CNR1: variants seen among roughly 807,000 people sequenced by gnomAD.
CNR1 encodes cannabinoid receptor 1 (brain).
CNR1 carries 10 observed loss-of-function variants against 23.0 expected under a neutral mutation model. That is an observed-to-expected ratio of 0.43 (90% CI 0.27 to 0.74). The LOEUF (loss-of-function observed/expected upper bound fraction) is 0.74, where lower values mean the gene tolerates loss of function less well. Among genes scored for constraint, CNR1 ranks in the 30% least tolerant of loss-of-function variants. The pLI, the probability that CNR1 is intolerant of heterozygous loss-of-function variation, is 0.19. For synonymous variants in CNR1, 271 were observed against 255.2 expected, an observed-to-expected ratio of 1.06 and a Z score of -0.59; for missense variants, 422 against 618.8, an observed-to-expected ratio of 0.68 and a Z score of 3.37.
At chr6:88,150,704 G>A (rs559077036) in intron 1 of CNR1, among the ~76,000 whole-genome samples, 1 of 152,304 alleles carries the variant, frequency 6.6e-6, no homozygotes, top group African/African-American at 2.4e-5. Context: ...TAAGCCTGGT[G>A]TTTAAGTATG....
intron 1 of CNR1, among the ~76,000 whole-genome samples, chr6:88,154,334 T>C (rs1289292225): frequency 6.6e-6 from 1 of 152,218 alleles, no homozygotes; most frequent in Non-Finnish European, 1.5e-5. Context: ...GTTAAAACAA[T>C]TTCAGGGCTC....
intron 1 of CNR1, among the ~76,000 whole-genome samples, chr6:88,146,180 A>T (rs1777174907): frequency 6.6e-6 from 1 of 151,846 alleles, no homozygotes; most frequent in Non-Finnish European, 1.5e-5. Flanking sequence ...ATCTGGGCTC[A>T]CTGCAGCCTC....
intron 1 of CNR1, among the ~76,000 whole-genome samples, chr6:88,151,123 G>A (rs1188241957): frequency 6.6e-6 from 1 of 152,098 alleles, no homozygotes; most frequent in African/African-American, 2.4e-5. Context: ...CTATGAAGTA[G>A]GTGCTATTAT....
upstream of CNR1, among the ~76,000 whole-genome samples, chr6:88,166,806 G>GAAGGGA (rs1197924239): frequency 6.6e-6 from 1 of 152,046 alleles, no homozygotes; most frequent in Non-Finnish European, 1.5e-5. Context: ...AGGGGAAGGG[G>GAAGGGA]AGCGGGAGCC....
Position 88,144,468 on chromosome 6 carries a change from T to C in CNR1, c.807A>G (p.Pro269=). The C allele has an allele frequency of 6.2e-7, 1 of 1,614,142 alleles. No individual in the cohort carries two copies. The highest frequency in any genetic ancestry group is 8.5e-7 in the Non-Finnish European group (1 of 1,180,030). The part of the protein sequence containing the change: ...KLQSVCSDIF[P]HIDETYLMFW... ...ACATCAGGTAGGTTTCATCAATGTG[T>C]GGGAAAATGTCTGAGCAAACAGATT... Residue 269 remains proline, a synonymous_variant, in exon 2 of 2, where the codon CCA becomes CCG. Coordinates refer to ENST00000369501, the MANE Select transcript of CNR1 (RefSeq NM_016083.6). This position sits in a 1 kb window ranked among gnomAD's most constrained non-coding sequence, Gnocchi z 7.8.
chr6:88,157,319 A>G (rs903180409), intron 1 of CNR1, among the ~76,000 whole-genome samples: 14 of 152,182 alleles, frequency 9.2e-5, no homozygotes, highest in African/African-American at 3.1e-4. Flanking sequence ...CACTAGATGG[A>G]GTGGCTTTTA....
intron 1 of CNR1, among the ~76,000 whole-genome samples, chr6:88,145,783 C>T (rs969529322): frequency 2.0e-5 from 3 of 152,202 alleles, no homozygotes; most frequent in Non-Finnish European, 2.9e-5. Flanking sequence ...ATGACCCCTA[C>T]TCTTGGAGAC....
intron 1 of CNR1, chr6:88,147,863 A>G (rs1292127431): frequency 6.6e-6 from 1 of 152,400 alleles, no homozygotes; most frequent in Non-Finnish European, 1.5e-5. Flanking sequence ...GGCCCTCCAG[A>G]CATGTATGCA....
chr6:88,149,930 C>T (rs1288622513), intron 1 of CNR1, among the ~76,000 whole-genome samples: 1 of 152,174 alleles, frequency 6.6e-6, no homozygotes, highest in East Asian at 1.9e-4. Flanking sequence ...AGCCTGATAG[C>T]ATGATAGCAG....
chr6:88,151,177 T>C lies in CNR1; in HGVS notation c.-63-5840A>G, dbSNP rs532494928. Among the ~76,000 whole-genome samples, 5 of 152,302 alleles carry C rather than the reference T, an allele frequency of 3.3e-5. No homozygotes were observed. In the East Asian group the frequency reaches 5.8e-4, roughly 18 times the overall value. ...GGCACAGAGGGTAAGTAAGTTGCTATAGGCAAAGCTAGTAAGTAGTAGAGC... is the reference window on the plus strand; with the variant it reads ...GGCACAGAGGGTAAGTAAGTTGCTACAGGCAAAGCTAGTAAGTAGTAGAGC... On this transcript the variant is annotated intron_variant, in intron 1 of 1. Transcript: ENST00000369501.
At chr6:88,163,250 A>G (rs1778198440) in intron 1 of CNR1, among the ~76,000 whole-genome samples, 2 of 152,222 alleles carry the variant, frequency 1.3e-5, no homozygotes. Flanking sequence ...GCTATAACCA[A>G]ATCTTTCATT....
chr6:88,162,159 G>A (rs1466949860), intron 1 of CNR1, among the ~76,000 whole-genome samples: 1 of 152,158 alleles, frequency 6.6e-6, no homozygotes, highest in African/African-American at 2.4e-5. Flanking sequence ...ATTCAAGGTG[G>A]ATATCTGCTT....
upstream of CNR1, among the ~76,000 whole-genome samples, chr6:88,167,023 G>A (rs1307743091): frequency 6.6e-6 from 1 of 151,874 alleles, no homozygotes. Flanking sequence ...CCAGCTTCGC[G>A]CCAGGCGCCT....
chr6:88,159,686 A>G (rs1464667783), intron 1 of CNR1, among the ~76,000 whole-genome samples: 1 of 152,164 alleles, frequency 6.6e-6, no homozygotes, highest in African/African-American at 2.4e-5. Flanking sequence ...TCTTTGGCCA[A>G]TCTTGCACTT....
At chr6:88,151,378 C>T (rs1777508901) in intron 1 of CNR1, among the ~76,000 whole-genome samples, 1 of 152,084 alleles carries the variant, frequency 6.6e-6, no homozygotes, top group African/African-American at 2.4e-5. Context: ...TCACTGATTC[C>T]AACCAGTCAA....
chr6:88,160,654 C>T (rs1267997163), intron 1 of CNR1, among the ~76,000 whole-genome samples: 2 of 152,170 alleles, frequency 1.3e-5, no homozygotes, highest in Non-Finnish European at 1.5e-5. Context: ...AGGCTGGCCT[C>T]GAACTCCTGA....
At chr6:88,147,261 G>A (rs373515303) in intron 1 of CNR1, among the ~76,000 whole-genome samples, 14 of 152,318 alleles carry the variant, frequency 9.2e-5, no homozygotes, top group South Asian at 4.1e-4. Context: ...GCAGTGAGGC[G>A]AGATTATGCC....
chr6:88,159,294 A>G (rs1777962063), intron 1 of CNR1, among the ~76,000 whole-genome samples: 1 of 152,220 alleles, frequency 6.6e-6, no homozygotes, highest in Non-Finnish European at 1.5e-5. Flanking sequence ...AGATGAACCC[A>G]GGAAAGAACG....
At chr6:88,152,949 A>C (rs926878951) in intron 1 of CNR1, among the ~76,000 whole-genome samples, 1 of 152,358 alleles carries the variant, frequency 6.6e-6, no homozygotes, top group East Asian at 1.9e-4. Flanking sequence ...CTATTAAAGA[A>C]GCAGTTGGTT....
Sources: allele counts gnomAD v4.1 joint callset (sites outside exome capture counted in the v4.1 genomes callset), GRCh38; gene constraint gnomAD v4.1.1; non-coding constraint Gnocchi (gnomAD v3.1); transcripts MANE v1.5; gene names NCBI Gene and HGNC (gene_info 2026-07-23, HGNC 2026-07-21).